Variants in KCNT1 observed in about 807,000 individuals in gnomAD.
The protein encoded by KCNT1 is potassium channel subfamily T member 1.
KCNT1 carries 78 observed loss-of-function variants against 147.8 expected under a neutral mutation model. The observed-to-expected ratio is 0.53, with a 90% CI of 0.44 to 0.64. KCNT1 has a LOEUF of 0.64. Ranked by LOEUF, KCNT1 falls within the 30% of genes least tolerant of loss-of-function variation. The probability of loss-of-function intolerance (pLI) is 0.00; values close to 1 mark genes in which losing one functional copy is unlikely to be tolerated. For missense variants in KCNT1, 1,419 were observed against 1,750.3 expected (o/e 0.81, Z 3.38); for synonymous variants, 867 against 748.8 (o/e 1.16, Z -2.58).
chr9:135,735,660 C>T (rs1391132403), intron 2 of KCNT1, among the ~76,000 whole-genome samples: 2 of 152,114 alleles, frequency 1.3e-5, no homozygotes, highest in Non-Finnish European at 1.5e-5. Context: ...ACCTGCCTCC[C>T]ACAGGCCTCT....
chr9:135,717,881 A>G (rs896589908), intron 2 of KCNT1, among the ~76,000 whole-genome samples: 3 of 152,174 alleles, frequency 2.0e-5, no homozygotes, highest in African/African-American at 4.8e-5. Context: ...TTCAGCCTCC[A>G]TGGTAGGGTT....
chr9:135,726,829 C>A (rs1176478498), intron 2 of KCNT1, among the ~76,000 whole-genome samples: 2 of 138,636 alleles, frequency 1.4e-5, no homozygotes, highest in East Asian at 4.4e-4. Context: ...CCCATTCTCT[C>A]ACTCTCTCCC....
intron 2 of KCNT1, among the ~76,000 whole-genome samples, chr9:135,722,966 G>A (rs75188316): frequency 0.26 from 39,410 of 152,204 alleles, 5,818 homozygotes; most frequent in Middle Eastern, 0.48. Flanking sequence ...GAAATCCTCC[G>A]GGGGATTAAG....
At chr9:135,743,095 G>A (rs1402291268) in intron 2 of KCNT1, among the ~76,000 whole-genome samples, 2 of 152,118 alleles carry the variant, frequency 1.3e-5, no homozygotes, top group African/African-American at 2.4e-5. Context: ...CAGAGCAGGG[G>A]CCCTTGTCAT....
chr9:135,719,244 CT>C (rs1459544711), intron 2 of KCNT1, among the ~76,000 whole-genome samples: 6 of 152,206 alleles, frequency 3.9e-5, no homozygotes, highest in African/African-American at 1.4e-4. Flanking sequence ...TTGGGCTCTT[CT>C]TCTGCAGAGG....
Position 135,703,951 on chromosome 9 carries a change from AGCAGCC to A in KCNT1, c.110+1586_110+1591del, listed in dbSNP as rs1309985893. Among the ~76,000 whole-genome samples the A allele has an allele frequency of 2.6e-5, 4 of 152,304 alleles. No homozygotes were observed. In the South Asian group the frequency reaches 8.3e-4, roughly 32 times the overall value. ...AGATTCCCTGTCACACTGCAGGCAG[AGCAGCC>A]GCCGGCAGTGGAGGGATGTCAGGCG... On this transcript the variant is annotated intron_variant, in intron 1 of 30. Coordinates refer to ENST00000371757, the MANE Select transcript of KCNT1 (RefSeq NM_020822.3).
At chr9:135,776,613 A>G (rs1391611987) in intron 20 of KCNT1, among the ~76,000 whole-genome samples, 1 of 152,178 alleles carries the variant, frequency 6.6e-6, no homozygotes, top group Non-Finnish European at 1.5e-5. Context: ...GCTGTGTGTT[A>G]GGGCTCGGCC....
intron 24 of KCNT1, 32 bp downstream of exon 24, chr9:135,779,502 C>G (rs749749962): frequency 6.9e-7 from 1 of 1,445,508 alleles, no homozygotes; most frequent in Admixed American, 1.7e-5. Context: ...CAGCTGCCAC[C>G]CCAGAATCCC....
At chr9:135,720,401 C>T (rs995722894) in intron 2 of KCNT1, among the ~76,000 whole-genome samples, 10 of 152,066 alleles carry the variant, frequency 6.6e-5, no homozygotes, top group Non-Finnish European at 1.5e-4. Flanking sequence ...CGGGGAAGTG[C>T]CTTGAGACCT....
chr9:135,719,879 C>T (rs1481580054), intron 2 of KCNT1, among the ~76,000 whole-genome samples: 6 of 152,214 alleles, frequency 3.9e-5, no homozygotes, highest in African/African-American at 1.4e-4. Context: ...GGTCAGAACA[C>T]TGCCCCAGAG....
intron 2 of KCNT1, among the ~76,000 whole-genome samples, chr9:135,719,535 T>G (rs949107827): frequency 6.6e-6 from 1 of 150,586 alleles, no homozygotes; most frequent in African/African-American, 2.4e-5. Flanking sequence ...TGGGGAGGGG[T>G]GGGGCAGGCA....
chr9:135,726,356 A>AC (rs1336459508), intron 2 of KCNT1, among the ~76,000 whole-genome samples: 1 of 151,904 alleles, frequency 6.6e-6, no homozygotes, highest in Non-Finnish European at 1.5e-5. Flanking sequence ...ATGAGGCCGT[A>AC]CCCCCAGGGA....
rs1384795259 is a variant in KCNT1 at position 135,793,959 on chromosome 9, C to CGCAGTCGCCCT, written c.*1803_*1813dup. The CGCAGTCGCCCT allele has an allele frequency of 1.3e-5, 2 of 152,060 alleles. No homozygotes were observed. The highest frequency in any genetic ancestry group is 3.9e-4 in the East Asian group (2 of 5,194). The allele number at this position is 152,060 out of a possible 1,614,324, so 9.4% of individuals were successfully genotyped here. ...GCCCTGCCCCGCAGTCACCCCGCCC[C>CGCAGTCGCCCT]GCAGTCGCCCTGCAGCTGGAAGGCC... is the stretch of plus-strand genomic sequence containing the variant. On this transcript the variant is annotated 3_prime_UTR_variant, in exon 31 of 31. Transcript: ENST00000371757.
chr9:135,744,638 G>A (rs1830723142), intron 2 of KCNT1, among the ~76,000 whole-genome samples: 1 of 152,350 alleles, frequency 6.6e-6, no homozygotes, highest in African/African-American at 2.4e-5. Context: ...TAGGGACGGG[G>A]CTGGCCAGGA....
chr9:135,744,303 G>A (rs1830704312), intron 2 of KCNT1, among the ~76,000 whole-genome samples: 1 of 152,260 alleles, frequency 6.6e-6, no homozygotes. Context: ...AGGGCGGCCG[G>A]CACTTGCCTC....
rs569750325 is a variant in KCNT1, at chr9:135,765,472, G to T, written c.1201-152G>T. ...GCCCACAGTCAGGTGGAGGGGCCCT[G>T]CGGGGGCCCCTCTTTTCCCTCCCAC... On this transcript the variant is annotated intron_variant, in intron 12 of 30. Coordinates refer to ENST00000371757, the MANE Select transcript of KCNT1 (RefSeq NM_020822.3). 269 of 911,368 alleles carry T rather than the reference G, an allele frequency of 3.0e-4. 1 individual carries two copies. In the African/African-American group the frequency reaches 4.0e-3, roughly 14 times the overall value. 56.5% of individuals were successfully genotyped at this position (911,368 alleles called of 1,614,324 possible). A position where few individuals can be genotyped will look rare whatever the true frequency, so the allele number is the denominator to read the frequency against.
At chr9:135,732,203 G>C (rs1199719964) in intron 2 of KCNT1, among the ~76,000 whole-genome samples, 1 of 151,902 alleles carries the variant, frequency 6.6e-6, no homozygotes. Context: ...ATTTTTAGTA[G>C]AGATGGGGTT....
chr9:135,791,916 C>A, intron 30 of KCNT1, 35 bp downstream of exon 30: 5 of 1,612,520 alleles, frequency 3.1e-6, no homozygotes, highest in Non-Finnish European at 4.2e-6. Context: ...GGAGACCCCC[C>A]CTGAGCACCA....
intron 5 of KCNT1, 53 bp from the exon 6 acceptor site, chr9:135,755,068 G>C: frequency 6.5e-7 from 1 of 1,531,696 alleles, no homozygotes; most frequent in Non-Finnish European, 8.8e-7. Context: ...AGGGTGGCTG[G>C]GGGACACTAG....
Sources: gnomAD v4.1 joint callset for allele counts (sites outside exome capture counted in the v4.1 genomes callset) on GRCh38, gnomAD v4.1.1 for gene constraint, MANE v1.5 for transcripts, NCBI Gene and HGNC (gene_info 2026-07-23, HGNC 2026-07-21) for gene names.